Variants in CYFIP1 observed in about 807,000 individuals in gnomAD.
The protein encoded by CYFIP1 is cytoplasmic FMR1 interacting protein 1, also known as cytoplasmic FMR1-interacting protein 1.
A neutral mutation model predicts 163.5 loss-of-function variants in CYFIP1; 58 were observed. The observed-to-expected ratio is 0.35, with a 90% CI of 0.29 to 0.44. CYFIP1 has a LOEUF of 0.44. Among genes scored for constraint, CYFIP1 ranks in the 20% least tolerant of loss-of-function variants. CYFIP1 has a pLI of 1.00. For missense variants in CYFIP1, 1,338 were observed against 1,653.8 expected (o/e 0.81, Z 3.31); for synonymous variants, 663 against 660.7 (o/e 1.00, Z -0.05).
intron 23 of CYFIP1, among the ~76,000 whole-genome samples, chr15:22,883,816 CAAAAAAAAAAA>C (rs34623284): frequency 1.3e-5 from 1 of 74,916 alleles, no homozygotes; most frequent in Non-Finnish European, 2.7e-5. Context: ...GACTTCATCT[CAAAAAAAAAAA>C]AAAAAAAAAA....
chr15:22,896,943 A>C (rs1005617577), intron 22 of CYFIP1, among the ~76,000 whole-genome samples: 2 of 152,120 alleles, frequency 1.3e-5, no homozygotes, highest in Non-Finnish European at 2.9e-5. Flanking sequence ...GAGGTGGCTC[A>C]CGGCTGTAAT....
intron 22 of CYFIP1, among the ~76,000 whole-genome samples, chr15:22,895,076 G>C (rs1262738088): frequency 6.6e-6 from 1 of 150,464 alleles, no homozygotes; most frequent in Admixed American, 6.6e-5. Context: ...GTGCAGTGGC[G>C]TGATCTTGGC....
Position 22,903,884 on chromosome 15 carries a change from T to C in CYFIP1, c.2410A>G (p.Ile804Val), listed in dbSNP as rs2060484162. The C allele has an allele frequency of 1.9e-6, 3 of 1,614,092 alleles. No individual in the cohort carries two copies. Among genetic ancestry groups the C allele is most frequent in the South Asian group, 1.1e-5 (1 of 91,084 alleles). The change falls in exon 22 of 31, where the codon ATC becomes GTC. Residue 804 changes from isoleucine to valine, a missense_variant. By Grantham distance (29) the Ile-to-Val change is conservative. Around this residue, in one of 4 missense-constraint regions of CYFIP1, gnomAD observed 824 missense variants for 995.7 expected, o/e 0.83. Coordinates refer to ENST00000617928, the MANE Select transcript of CYFIP1 (RefSeq NM_014608.6). Reference protein sequence around the residue: ...SIVELDGLLEINRMTHKLLSR... With the variant: ...SIVELDGLLEVNRMTHKLLSR... Reference sequence around the variant, plus strand: ...AGCAGCTTGTGGGTCATGCGGTTGATTTCCAACAGGCCATCCAGCTCCTGT... The same window carrying C: ...AGCAGCTTGTGGGTCATGCGGTTGACTTCCAACAGGCCATCCAGCTCCTGT...
At chr15:22,901,084 T>C (rs1226524838) in intron 22 of CYFIP1, among the ~76,000 whole-genome samples, 1 of 151,524 alleles carries the variant, frequency 6.6e-6, no homozygotes, top group Non-Finnish European at 1.5e-5. Flanking sequence ...GCATCTGTAA[T>C]CCCAGCTACT....
At chr15:22,872,155 C>T (rs1234377324) in intron 30 of CYFIP1, among the ~76,000 whole-genome samples, 4 of 151,760 alleles carry the variant, frequency 2.6e-5, no homozygotes, top group Admixed American at 6.6e-5. Context: ...ATCAGCCGGG[C>T]GTGGTGGCAG....
intron 1 of CYFIP1, among the ~76,000 whole-genome samples, chr15:22,958,051 A>G (rs1209242224): frequency 2.0e-5 from 3 of 151,738 alleles, no homozygotes; most frequent in African/African-American, 2.4e-5. Context: ...ATAGTTAAAA[A>G]CCAATATAAC....
chr15:22,979,873 C>G (rs1303798707), intron 1 of CYFIP1, among the ~76,000 whole-genome samples: 2 of 152,216 alleles, frequency 1.3e-5, no homozygotes, highest in Non-Finnish European at 2.9e-5. Flanking sequence ...AACAATCTGC[C>G]TGCTCCTTAC....
In CYFIP1 at chr15:22,916,596, A is replaced by G. The variant is rs538673876; in HGVS notation, c.1709T>C (p.Ile570Thr). Reference sequence around the variant, plus strand: ...TTTCTTGGAACCACTTTTGTCTGCAATGAGGGACTCTAGCATGGTTCTCAC... The same window carrying G: ...TTTCTTGGAACCACTTTTGTCTGCAGTGAGGGACTCTAGCATGGTTCTCAC... ...YMVRTMLESL[I>T]ADKSGSKKTL... The change falls in exon 16 of 31, where the codon ATT becomes ACT. Residue 570 changes from isoleucine (I) to threonine (T), a missense_variant. Ile to Thr is a moderately conservative substitution (Grantham distance 89). Transcript: ENST00000617928. The G allele has an allele frequency of 1.4e-5, 22 of 1,613,964 alleles. No individual in the cohort carries two copies. Among genetic ancestry groups the G allele is most frequent in the African/African-American group, 4.0e-5 (3 of 74,902 alleles).
chr15:22,883,100 G>A, intron 23 of CYFIP1, 89 bp from the exon 24 acceptor site: 1 of 1,487,482 alleles, frequency 6.7e-7, no homozygotes, highest in East Asian at 2.3e-5. Context: ...AACACACACA[G>A]GCTCAGGTGA....
chr15:22,912,719 T>C (rs576230897), intron 17 of CYFIP1, among the ~76,000 whole-genome samples: 25 of 152,034 alleles, frequency 1.6e-4, no homozygotes, highest in Admixed American at 3.3e-4. Context: ...GGTGAGGAGT[T>C]CAAGACCAGC....
intron 22 of CYFIP1, among the ~76,000 whole-genome samples, chr15:22,897,180 T>C (rs2060263812): frequency 6.6e-6 from 1 of 152,090 alleles, no homozygotes; most frequent in Admixed American, 6.6e-5. Context: ...ACTGTTACAC[T>C]CTAGCCTGGG....
At chr15:22,912,054 C>A in intron 18 of CYFIP1, 125 bp downstream of exon 18, 1 of 841,520 alleles carries the variant, frequency 1.2e-6, no homozygotes, top group Non-Finnish European at 1.8e-6. Flanking sequence ...CTTGCTCCCA[C>A]ATGCTTGCTT....
At chr15:22,912,656 T>C (rs1342703660) in intron 17 of CYFIP1, among the ~76,000 whole-genome samples, 1 of 152,230 alleles carries the variant, frequency 6.6e-6, no homozygotes, top group East Asian at 1.9e-4. Context: ...TGGTGGTTCA[T>C]GCCTGTAATC....
intron 22 of CYFIP1, among the ~76,000 whole-genome samples, chr15:22,894,313 G>A (rs1398019241): frequency 2.4e-5 from 3 of 125,478 alleles, no homozygotes; most frequent in Non-Finnish European, 4.9e-5. Flanking sequence ...TTCTGAGATG[G>A]AGTTTTGCTC....
chr15:22,886,170 G>A (rs545661721), intron 23 of CYFIP1, among the ~76,000 whole-genome samples: 16 of 152,164 alleles, frequency 1.1e-4, no homozygotes, highest in South Asian at 2.1e-4. Flanking sequence ...TGAGAACATC[G>A]TCACCCCCAT....
At chr15:22,973,195 T>G (rs568504749) in intron 1 of CYFIP1, among the ~76,000 whole-genome samples, 6 of 151,448 alleles carry the variant, frequency 4.0e-5, no homozygotes, top group African/African-American at 1.5e-4. Flanking sequence ...ACACCTGTAG[T>G]GCCAGGTACT....
In CYFIP1 at chr15:22,907,292, C is replaced by T. The variant is rs1055433070; in HGVS notation, c.2388+1902G>A. ...CCTTGACTCCAATGGTGCCAGGTGGCGGGCAGCACAACTCATGTGTACTCA... is the reference window on the plus strand; with the variant it reads ...CCTTGACTCCAATGGTGCCAGGTGGTGGGCAGCACAACTCATGTGTACTCA... On this transcript the variant is annotated intron_variant, in intron 21 of 30. Coordinates refer to ENST00000617928, the MANE Select transcript of CYFIP1 (RefSeq NM_014608.6). Among the ~76,000 whole-genome samples the T allele has an allele frequency of 4.6e-5, 7 of 152,176 alleles. 1 individual carries two copies. The highest frequency in any genetic ancestry group is 2.0e-4 in the Admixed American group (3 of 15,276).
At chr15:22,950,533 C>A (rs764158234) in intron 1 of CYFIP1, among the ~76,000 whole-genome samples, 1 of 152,180 alleles carries the variant, frequency 6.6e-6, no homozygotes, top group Non-Finnish European at 1.5e-5. Flanking sequence ...TAGCCACCCC[C>A]GAATCTCAGT....
At chr15:22,890,292 T>TAA (rs2060038976) in intron 23 of CYFIP1, among the ~76,000 whole-genome samples, 1 of 141,460 alleles carries the variant, frequency 7.1e-6, no homozygotes, top group South Asian at 2.2e-4. Flanking sequence ...TCCTAGGTGA[T>TAA]AGAGGAGACT....
Sources: gnomAD v4.1 joint callset for allele counts (sites outside exome capture counted in the v4.1 genomes callset) on GRCh38, gnomAD v4.1.1 for gene constraint, gnomAD v4.1.1 regional missense constraint, MANE v1.5 for transcripts, NCBI Gene and HGNC (gene_info 2026-07-23, HGNC 2026-07-21) for gene names.